The following CERS5 variants were observed in gnomAD, a reference collection of about 807,000 sequenced individuals.
The protein encoded by CERS5 is LAG1 homolog, ceramide synthase 5.
In CERS5, 37 loss-of-function variants were observed where a neutral mutation model predicts 58.9. The observed-to-expected ratio is 0.63, with a 90% CI of 0.48 to 0.83. The LOEUF is 0.83. Ranked by LOEUF, CERS5 falls within the 40% of genes least tolerant of loss-of-function variation. CERS5 has a pLI of 0.00. For synonymous variants in CERS5, 147 were observed against 177.8 expected (o/e 0.83, Z 1.38); for missense variants, 398 against 489.3 (o/e 0.81, Z 1.76).
At chr12:50,135,308 AGTGTGTGTGTGT>A (rs56858635) in intron 8 of CERS5, 51,437 of 168,042 alleles carry the variant, frequency 0.31, 6,876 homozygotes, top group East Asian at 0.65. Context: ...GAGAGAGAGG[AGTGTGTGTGTGT>A]GTGTGTGTGT....
chr12:50,155,425 C>T (rs1938455675), intron 1 of CERS5, among the ~76,000 whole-genome samples: 1 of 151,728 alleles, frequency 6.6e-6, no homozygotes, highest in South Asian at 2.1e-4. Flanking sequence ...ATCTTTGCAG[C>T]TTCCTTTGAG....
intron 3 of CERS5, among the ~76,000 whole-genome samples, chr12:50,142,366 A>G (rs1952016242): frequency 6.6e-6 from 1 of 152,104 alleles, no homozygotes; most frequent in African/African-American, 2.4e-5. Flanking sequence ...TATCCTAGCC[A>G]ACATAGTGAA....
chr12:50,159,145 C>A (rs2138249728), intron 1 of CERS5, among the ~76,000 whole-genome samples: 1 of 152,188 alleles, frequency 6.6e-6, no homozygotes, highest in South Asian at 2.1e-4. Flanking sequence ...CACGGTGAAA[C>A]CCCATCTCTA....
At chr12:50,136,136 G>A (rs549593392) in intron 6 of CERS5, 67 bp from the exon 7 acceptor site, 189 of 1,377,672 alleles carry the variant, frequency 1.4e-4, no homozygotes, top group Middle Eastern at 1.2e-3. Flanking sequence ...CCAACCCAAC[G>A]TCCTGCATTA....
chr12:50,160,854 T>G (rs1248448098), intron 1 of CERS5, among the ~76,000 whole-genome samples: 1 of 152,178 alleles, frequency 6.6e-6, no homozygotes, highest in South Asian at 2.1e-4. Flanking sequence ...CTTATCTCTC[T>G]TTTGATAGGT....
At chr12:50,142,512 T>C (rs975765589) in intron 3 of CERS5, among the ~76,000 whole-genome samples, 1 of 128,862 alleles carries the variant, frequency 7.8e-6, no homozygotes, top group Non-Finnish European at 1.5e-5. Context: ...ACTGTGCCAC[T>C]ACACTCCAGT....
chr12:50,133,883 C>G, intron 9 of CERS5: 1 of 386,142 alleles, frequency 2.6e-6, no homozygotes, highest in Non-Finnish European at 3.5e-6. Context: ...ACCAGCCTGG[C>G]CAACATAGTG....
chr12:50,150,227 G>A (rs527776272), intron 1 of CERS5, among the ~76,000 whole-genome samples: 3 of 152,310 alleles, frequency 2.0e-5, no homozygotes, highest in African/African-American at 4.8e-5. Context: ...TGGATGTGGT[G>A]GCATGTGCCC....
chr12:50,150,406 T>C (rs892584621), intron 1 of CERS5, among the ~76,000 whole-genome samples: 27 of 152,172 alleles, frequency 1.8e-4, no homozygotes, highest in African/African-American at 6.5e-4. Flanking sequence ...GAGTGAAAGA[T>C]GAGTTGAGTT....
chr12:50,132,678 A>G (rs928191084), intron 9 of CERS5, among the ~76,000 whole-genome samples: 13 of 150,658 alleles, frequency 8.6e-5, no homozygotes, highest in Non-Finnish European at 1.5e-4. Context: ...TTAGATGACT[A>G]ACTGATTACC....
chr12:50,135,812 C>A lies in CERS5; in HGVS notation c.792G>T (p.Lys264Asn), dbSNP rs764994396. ...AAAGGGTGTCACAGAGCCGCTGATA[C>A]TTGGCATAATTGGCCAGTTTGGCTG... ...LEAAKLANYA[K>N]YQRLCDTLFV... is the part of the protein sequence containing the mutation. The change falls in exon 8 of 10, where the codon AAG becomes AAT. Residue 264 changes from lysine to asparagine, a missense_variant. Coordinates refer to ENST00000317551, the MANE Select transcript of CERS5 (RefSeq NM_147190.5). The A allele has an allele frequency of 5.1e-5, 83 of 1,613,906 alleles. No individual in the cohort carries two copies. The highest frequency in any genetic ancestry group is 6.4e-5 in the Non-Finnish European group (76 of 1,179,988).
At chr12:50,161,586 G>C (rs1279705858) in intron 1 of CERS5, among the ~76,000 whole-genome samples, 2 of 151,914 alleles carry the variant, frequency 1.3e-5, no homozygotes, top group Non-Finnish European at 2.9e-5. Flanking sequence ...AGACCGGCCT[G>C]GCCAACATGG....
Position 50,166,964 on chromosome 12 carries a change from C to A in CERS5, c.197+137G>T, listed in dbSNP as rs548910877. ...CACCTCGCCCACGCGCCTAGCATCA[C>A]CCGCCGCGGCCCAAGCTCCCCCAGC... is the stretch of plus-strand genomic sequence containing the variant. On this transcript the variant is annotated intron_variant, in intron 1 of 9. Coordinates refer to ENST00000317551, the MANE Select transcript of CERS5 (RefSeq NM_147190.5). The A allele has an allele frequency of 5.7e-5, 41 of 716,548 alleles. No homozygotes were observed. The African/African-American group carries it at 6.6e-4, about 12-fold the overall frequency. The allele number at this position is 716,548 out of a possible 1,614,324, so 44.4% of individuals were successfully genotyped here.
intron 1 of CERS5, among the ~76,000 whole-genome samples, chr12:50,160,310 A>AG (rs1204248052): frequency 2.6e-5 from 4 of 151,416 alleles, no homozygotes. Flanking sequence ...GTCTCAAAAA[A>AG]AAAAAAAAGA....
chr12:50,133,342 T>C, intron 9 of CERS5: 1 of 1,058,244 alleles, frequency 9.4e-7, no homozygotes, highest in Non-Finnish European at 1.1e-6. Flanking sequence ...CAATTATGAG[T>C]TTATCATTAA....
rs1451337910 is a variant in CERS5, at chr12:50,130,815, CAAA to C, written c.1030-124_1030-122del. 7.4e-6 allele frequency: 6 copies of C among 815,380 alleles called. No individual in the cohort carries two copies. In the Admixed American group the frequency reaches 8.2e-5, roughly 11 times the overall value. The allele number at this position is 815,380 out of a possible 1,614,324, so 50.5% of individuals were successfully genotyped here. ...GTCTGCTTTCTGATGACATCTAACT[CAAA>C]GAAGTATTGTCTGGACTATGGCTAC... is the stretch of plus-strand genomic sequence containing the variant. On this transcript the variant is annotated intron_variant, in intron 9 of 9. Transcript: ENST00000317551.
chr12:50,145,453 G>A (rs927798691), intron 1 of CERS5, among the ~76,000 whole-genome samples: 1 of 152,218 alleles, frequency 6.6e-6, no homozygotes, highest in Non-Finnish European at 1.5e-5. Flanking sequence ...ATATGACTGG[G>A]AGGTGTAAAA....
At chr12:50,153,114 C>T (rs542852063) in intron 1 of CERS5, among the ~76,000 whole-genome samples, 1 of 151,976 alleles carries the variant, frequency 6.6e-6, no homozygotes, top group African/African-American at 2.4e-5. Context: ...GTGAGCCCGT[C>T]ATTTCAAGAA....
intron 4 of CERS5, among the ~76,000 whole-genome samples, chr12:50,140,839 A>ATTTTT (rs200589306): frequency 7.4e-6 from 1 of 134,896 alleles, no homozygotes; most frequent in South Asian, 2.3e-4. Flanking sequence ...ACCCTTAGTG[A>ATTTTT]TTTTTTTTTT....
Sources: allele counts gnomAD v4.1 joint callset (sites outside exome capture counted in the v4.1 genomes callset), GRCh38; gene constraint gnomAD v4.1.1; transcripts MANE v1.5; gene names NCBI Gene and HGNC (gene_info 2026-07-23, HGNC 2026-07-21).